TBC1D9: variants seen among roughly 807,000 people sequenced by gnomAD.
TBC1D9 encodes the protein TBC1 domain family member 9A.
A neutral mutation model predicts 132.0 loss-of-function variants in TBC1D9; 63 were observed. The observed-to-expected ratio is 0.48, with a 90% CI of 0.39 to 0.59. The LOEUF is 0.59. Among genes scored for constraint, TBC1D9 ranks in the 20% least tolerant of loss-of-function variants. The pLI is 0.00. For missense variants in TBC1D9, 1,261 were observed against 1,592.7 expected (o/e 0.79, Z 3.54); for synonymous variants, 610 against 609.9 (o/e 1.00, Z 0.00).
intron 11 of TBC1D9, among the ~76,000 whole-genome samples, chr4:140,658,170 A>G (rs1385359953): frequency 1.3e-5 from 2 of 152,264 alleles, no homozygotes; most frequent in Non-Finnish European, 2.9e-5. Flanking sequence ...AAGTACAGTC[A>G]TGCCTCACTT....
chr4:140,659,980 C>T (rs765383435), intron 10 of TBC1D9, among the ~76,000 whole-genome samples: 2 of 152,158 alleles, frequency 1.3e-5, no homozygotes, highest in Non-Finnish European at 2.9e-5. Context: ...CCAGACAGAG[C>T]CCCGAACTCA....
At chr4:140,634,690 T>C (rs1736849659) in intron 15 of TBC1D9, among the ~76,000 whole-genome samples, 4 of 152,146 alleles carry the variant, frequency 2.6e-5, no homozygotes, top group Admixed American at 6.5e-5. Flanking sequence ...AGATTTTGTG[T>C]TTCTTAACTC....
intron 1 of TBC1D9, among the ~76,000 whole-genome samples, chr4:140,751,114 A>G (rs1738916993): frequency 6.6e-6 from 1 of 152,224 alleles, no homozygotes; most frequent in South Asian, 2.1e-4. Flanking sequence ...TCTACTGCAT[A>G]TAAACTCTTA....
intron 8 of TBC1D9, among the ~76,000 whole-genome samples, chr4:140,669,392 G>A (rs1737499887): frequency 6.6e-6 from 1 of 152,040 alleles, no homozygotes; most frequent in African/African-American, 2.4e-5. Flanking sequence ...TTTATTTGTT[G>A]GTTTAACTTA....
intron 13 of TBC1D9, chr4:140,643,787 G>C (rs1487818237): frequency 1.2e-5 from 10 of 868,860 alleles, no homozygotes; most frequent in Non-Finnish European, 1.8e-5. Flanking sequence ...CAGAGGGCTC[G>C]GTGCAGCCCT....
intron 1 of TBC1D9, among the ~76,000 whole-genome samples, chr4:140,724,085 T>C (rs1578856915): frequency 1.3e-5 from 2 of 152,296 alleles, no homozygotes; most frequent in East Asian, 1.9e-4. Flanking sequence ...TGAGGTGGCA[T>C]TGCTTTCTGA....
chr4:140,722,960 T>C (rs1268125546), intron 1 of TBC1D9, among the ~76,000 whole-genome samples: 2 of 152,126 alleles, frequency 1.3e-5, no homozygotes, highest in African/African-American at 2.4e-5. Context: ...CCTTCCCCAC[T>C]CTTTACTTGA....
At chr4:140,732,236 T>TA (rs1738605008) in intron 1 of TBC1D9, among the ~76,000 whole-genome samples, 1 of 152,190 alleles carries the variant, frequency 6.6e-6, no homozygotes, top group Admixed American at 6.5e-5. Flanking sequence ...GAATGAGACT[T>TA]AGAGGTATGG....
rs1448767362 is a variant in TBC1D9, at chr4:140,653,761, CA to C, written c.2337+3335del. Reference sequence around the variant, plus strand: ...GAAGAGAAAACAAAAACCTAGTTATCACGCACTGAAAGACCTGGTAATATAG... The same window carrying C: ...GAAGAGAAAACAAAAACCTAGTTATCCGCACTGAAAGACCTGGTAATATAG... On this transcript the variant is annotated intron_variant, in intron 13 of 20. Transcript: ENST00000442267. 2.0e-5 allele frequency among the ~76,000 whole-genome samples: 3 copies of C among 152,136 alleles called. No homozygotes were observed. In the East Asian group the frequency reaches 5.8e-4, roughly 29 times the overall value.
intron 13 of TBC1D9, chr4:140,643,195 G>C (rs1737036719): frequency 7.1e-7 from 1 of 1,413,876 alleles, no homozygotes; most frequent in African/African-American, 1.4e-5. Flanking sequence ...AGTGAGGGCC[G>C]AGCCACCAGG....
chr4:140,637,477 T>C (rs1736899407), intron 15 of TBC1D9, among the ~76,000 whole-genome samples: 1 of 152,188 alleles, frequency 6.6e-6, no homozygotes, highest in African/African-American at 2.4e-5. Context: ...GTCACAGTCC[T>C]TTCTCTTACC....
At position 140,706,637 on chromosome 4, in the gene TBC1D9, A is replaced by C. The variant is rs1444129397; in HGVS notation, c.131-5023T>G. Among the ~76,000 whole-genome samples the C allele has an allele frequency of 6.6e-6, 1 of 151,866 alleles. No homozygotes were observed. Among genetic ancestry groups the C allele is most frequent in the Non-Finnish European group, 1.5e-5 (1 of 67,998 alleles). ...CCTTTAATCCCATTTCCCTCTCTCCATTAACCATTCTTAAATTGTTTTGTA... is the reference window on the plus strand; with the variant it reads ...CCTTTAATCCCATTTCCCTCTCTCCCTTAACCATTCTTAAATTGTTTTGTA... On this transcript the variant is annotated intron_variant, in intron 1 of 20. Transcript: ENST00000442267. This position sits in a 1 kb window ranked among gnomAD's most constrained non-coding sequence, Gnocchi z 4.0.
At chr4:140,705,630 C>T (rs752395025) in intron 1 of TBC1D9, among the ~76,000 whole-genome samples, 107 of 152,084 alleles carry the variant, frequency 7.0e-4, no homozygotes, top group Admixed American at 3.3e-4. Context: ...AGGAAATACT[C>T]CTCCTTTGTC....
chr4:140,756,137 G>GCGCCCGCC lies in TBC1D9; in HGVS notation c.-100_-93dup, dbSNP rs879601070. ...CAGGCGCGCACTCCTGGGCACACGC[G>GCGCCCGCC]CGCCCGCCCGCCCGTCCGCTAGGTG... is the stretch of plus-strand genomic sequence containing the variant. On this transcript the variant is annotated 5_prime_UTR_variant, in exon 1 of 21. Coordinates refer to ENST00000442267, the MANE Select transcript of TBC1D9 (RefSeq NM_015130.3). The surrounding 1 kb of genome is among the most constrained non-coding windows in gnomAD (Gnocchi z 5.6). 9.4e-6 allele frequency: 10 copies of GCGCCCGCC among 1,065,582 alleles called. No individual in the cohort carries two copies. Among genetic ancestry groups the GCGCCCGCC allele is most frequent in the Non-Finnish European group, 1.2e-5 (10 of 810,822 alleles). 66.0% of individuals were successfully genotyped at this position (1,065,582 alleles called of 1,614,324 possible). A position where few individuals can be genotyped will look rare whatever the true frequency, so the allele number is the denominator to read the frequency against.
intron 2 of TBC1D9, among the ~76,000 whole-genome samples, chr4:140,690,179 T>G (rs886554068): frequency 2.0e-5 from 3 of 152,182 alleles, no homozygotes; most frequent in Non-Finnish European, 4.4e-5. Flanking sequence ...CAGCCTTCAC[T>G]GACATTATAT....
At chr4:140,719,088 C>T (rs1029825411) in intron 1 of TBC1D9, among the ~76,000 whole-genome samples, 1 of 150,972 alleles carries the variant, frequency 6.6e-6, no homozygotes, top group Non-Finnish European at 1.5e-5. Context: ...GCACTCCAGC[C>T]TGGGCGACAG....
intron 11 of TBC1D9, 65 bp downstream of exon 11, chr4:140,659,523 G>T: frequency 8.8e-7 from 1 of 1,138,952 alleles, no homozygotes; most frequent in Non-Finnish European, 1.3e-6. Flanking sequence ...GTTCTGGCTG[G>T]CACCTCTCTA....
At position 140,706,815 on chromosome 4, in the gene TBC1D9, T is replaced by G. The variant is rs1738157268; in HGVS notation, c.131-5201A>C. ...TTGTAAAATTTATCCAGAATATACTTGTAAATCTGATTCATTCATTTTAAA... is the reference window on the plus strand; with the variant it reads ...TTGTAAAATTTATCCAGAATATACTGGTAAATCTGATTCATTCATTTTAAA... On this transcript the variant is annotated intron_variant, in intron 1 of 20. Transcript: ENST00000442267. This position sits in a 1 kb window ranked among gnomAD's most constrained non-coding sequence, Gnocchi z 4.0. 6.6e-6 allele frequency among the ~76,000 whole-genome samples: 1 copy of G among 152,218 alleles called. No individual in the cohort carries two copies. Among genetic ancestry groups the G allele is most frequent in the Non-Finnish European group, 1.5e-5 (1 of 68,048 alleles).
At chr4:140,670,510 A>G (rs1737518558) in intron 7 of TBC1D9, 1 of 553,438 alleles carries the variant, frequency 1.8e-6, no homozygotes, top group Non-Finnish European at 3.2e-6. Context: ...ACTATAAAAT[A>G]AAAGTGTTAT....
Sources: allele counts gnomAD v4.1 joint callset (sites outside exome capture counted in the v4.1 genomes callset), GRCh38; gene constraint gnomAD v4.1.1; non-coding constraint Gnocchi (gnomAD v3.1); transcripts MANE v1.5; gene names NCBI Gene and HGNC (gene_info 2026-07-23, HGNC 2026-07-21).